Variants in QPRT observed in about 807,000 individuals in gnomAD.
The protein encoded by QPRT is nicotinate-nucleotide pyrophosphorylase [carboxylating].
A neutral mutation model predicts 19.8 loss-of-function variants in QPRT; 17 were observed. The observed-to-expected ratio is 0.86, with a 90% CI of 0.59 to 1.29. The LOEUF (loss-of-function observed/expected upper bound fraction) is 1.29. Among genes scored for constraint, QPRT ranks in the 50% most tolerant of loss-of-function variants. The probability of loss-of-function intolerance (pLI) is 0.00; values close to 1 mark genes in which losing one functional copy is unlikely to be tolerated. For synonymous variants in QPRT, 178 were observed against 191.0 expected, an observed-to-expected ratio of 0.93 and a Z score of 0.56; for missense variants, 336 against 405.1, an observed-to-expected ratio of 0.83 and a Z score of 1.46.
intron 1 of QPRT, among the ~76,000 whole-genome samples, chr16:29,691,816 G>C (rs1338408444): frequency 6.6e-6 from 1 of 152,174 alleles, no homozygotes; most frequent in Admixed American, 6.5e-5. Flanking sequence ...GCAGATGTGG[G>C]AGAGAATGTG....
chr16:29,696,892 T>G lies in QPRT; in HGVS notation c.550-104T>G, dbSNP rs1040167124. 4 of 1,342,972 alleles carry G rather than the reference T, an allele frequency of 3.0e-6. No homozygotes were observed. In the African/African-American group the frequency reaches 5.9e-5, roughly 20 times the overall value. The allele number at this position is 1,342,972 out of a possible 1,614,324, so 83.2% of individuals were successfully genotyped here. A position where few individuals can be genotyped will look rare whatever the true frequency, so the allele number is the denominator to read the frequency against. ...CAGTCCCGGCTCCCCGCGCCCCAGCTGCAGTGCTGGGCCCTATCGTCACCC... is the reference window on the plus strand; with the variant it reads ...CAGTCCCGGCTCCCCGCGCCCCAGCGGCAGTGCTGGGCCCTATCGTCACCC... On this transcript the variant is annotated intron_variant, in intron 2 of 3. Coordinates refer to ENST00000395384, the MANE Select transcript of QPRT (RefSeq NM_014298.6).
rs953333986 is a variant in QPRT at position 29,697,537 on chromosome 16, G to A, written c.*126G>A. ...TGGCACTAGCTTGAGCCCAACTCTG[G>A]CTCTGCCACCTGCTGCTCCTGTGAC... On this transcript the variant is annotated 3_prime_UTR_variant, in exon 4 of 4. Coordinates refer to ENST00000395384, the MANE Select transcript of QPRT (RefSeq NM_014298.6). The surrounding 1 kb of genome is among the most constrained non-coding windows in gnomAD (Gnocchi z 4.4). 1.0e-6 allele frequency: 1 copy of A among 984,938 alleles called. No homozygotes were observed. Among genetic ancestry groups the A allele is most frequent in the South Asian group, 1.7e-5 (1 of 59,570 alleles). 61.0% of individuals were successfully genotyped at this position (984,938 alleles called of 1,614,324 possible).
chr16:29,696,850 C>A, intron 2 of QPRT, 146 bp from the exon 3 acceptor site: 3 of 951,518 alleles, frequency 3.2e-6, no homozygotes, highest in East Asian at 2.8e-5. Flanking sequence ...ATGGTCCACC[C>A]GAAGCTTTTC....
chr16:29,688,416 G>GGAAGTCCA (rs953971218), intron 1 of QPRT, among the ~76,000 whole-genome samples: 1 of 152,114 alleles, frequency 6.6e-6, no homozygotes, highest in Non-Finnish European at 1.5e-5. Flanking sequence ...AGGTGAACAC[G>GGAAGTCCA]GAAGTCCAAG....
Position 29,697,477 on chromosome 16 carries a change from C to T in QPRT, c.*66C>T, listed in dbSNP as rs975721533. On this transcript the variant is annotated 3_prime_UTR_variant, in exon 4 of 4. Transcript: ENST00000395384. The surrounding 1 kb of genome is among the most constrained non-coding windows in gnomAD (Gnocchi z 4.4). ...TGGCTCCTCAGGACCCTCTGGGTCA[C>T]ACATCTTTAGGGTCAGTGGCCAATG... The T allele has an allele frequency of 3.6e-5, 54 of 1,500,388 alleles. No individual in the cohort carries two copies. Among genetic ancestry groups the T allele is most frequent in the East Asian group, 2.3e-4 (10 of 43,676 alleles). The allele number at this position is 1,500,388 out of a possible 1,614,324, so 92.9% of individuals were successfully genotyped here.
At chr16:29,692,510 GGC>G (rs1967377682) in intron 1 of QPRT, among the ~76,000 whole-genome samples, 1 of 151,762 alleles carries the variant, frequency 6.6e-6, no homozygotes, top group African/African-American at 2.4e-5. Context: ...GAACCCGGGA[GGC>G]GGAGCTTGCC....
At chr16:29,679,152 T>G, upstream of QPRT, 7 of 1,613,702 alleles carry the variant, frequency 4.3e-6, no homozygotes, top group Non-Finnish European at 5.1e-6. Flanking sequence ...CTGGGAGCCT[T>G]GGTCCTGAGC....
intron 1 of QPRT, 29 bp from the exon 2 acceptor site, chr16:29,694,635 A>C (rs1313750353): frequency 1.8e-5 from 27 of 1,510,120 alleles, no homozygotes; most frequent in Non-Finnish European, 2.4e-5. Flanking sequence ...AGGCAGCCAA[A>C]CTCAACAGCT....
intron 1 of QPRT, among the ~76,000 whole-genome samples, chr16:29,689,127 C>T (rs144183230): frequency 6.7e-6 from 1 of 148,412 alleles, no homozygotes; most frequent in Non-Finnish European, 1.5e-5. Flanking sequence ...CCGAATTGCA[C>T]TCTGTCACCC....
chr16:29,693,061 C>CAA (rs1193202536), intron 1 of QPRT, among the ~76,000 whole-genome samples: 88 of 104,106 alleles, frequency 8.5e-4, no homozygotes, highest in African/African-American at 3.0e-3. Context: ...GATTCTGTCT[C>CAA]AAAAAAAAAA....
At chr16:29,691,176 C>T (rs1352204913) in intron 1 of QPRT, among the ~76,000 whole-genome samples, 2 of 149,770 alleles carry the variant, frequency 1.3e-5, no homozygotes, top group Non-Finnish European at 3.0e-5. Context: ...AGCAGCCTGG[C>T]CAAAATGGCA....
intron 1 of QPRT, among the ~76,000 whole-genome samples, chr16:29,682,687 GT>G (rs1454188283): frequency 6.6e-6 from 1 of 151,892 alleles, no homozygotes; most frequent in African/African-American, 2.4e-5. Flanking sequence ...GCCTCATCAT[GT>G]TTTTTTCTTA....
At chr16:29,690,319 T>C (rs1374998231) in intron 1 of QPRT, among the ~76,000 whole-genome samples, 1 of 152,222 alleles carries the variant, frequency 6.6e-6, no homozygotes, top group Non-Finnish European at 1.5e-5. Context: ...CTATGGTGAA[T>C]AGTGCTGTGA....
At chr16:29,681,493 CTTTTTTTT>C (rs10680462) in intron 1 of QPRT, among the ~76,000 whole-genome samples, 4 of 97,130 alleles carry the variant, frequency 4.1e-5, no homozygotes, top group Admixed American at 1.4e-4. Context: ...GATCCAGATT[CTTTTTTTT>C]TTTTTTTTTT....
chr16:29,694,265 C>T (rs898712496), intron 1 of QPRT, among the ~76,000 whole-genome samples: 1 of 151,018 alleles, frequency 6.6e-6, no homozygotes, highest in Admixed American at 6.6e-5. Context: ...ACTACAGGCG[C>T]CCGCCACCAA....
intron 1 of QPRT, among the ~76,000 whole-genome samples, chr16:29,693,235 AT>A (rs1301465481): frequency 2.0e-5 from 3 of 151,638 alleles, no homozygotes; most frequent in East Asian, 1.9e-4. Flanking sequence ...CATTCTTTCT[AT>A]TTTTTTTGTA....
intron 1 of QPRT, among the ~76,000 whole-genome samples, chr16:29,679,756 AG>A (rs1389495956): frequency 6.6e-6 from 1 of 152,112 alleles, no homozygotes; most frequent in African/African-American, 2.4e-5. Flanking sequence ...AAGCAGCCCC[AG>A]GGGGCCAGTT....
rs555096933 is a variant in QPRT at position 29,695,171 on chromosome 16, A to T, written c.521A>T (p.His174Leu). Residue 174 changes from histidine to leucine, a missense_variant, in exon 2 of 4, where the codon CAT (histidine) becomes CTT (leucine). Coordinates refer to ENST00000395384, the MANE Select transcript of QPRT (RefSeq NM_014298.6). Reference protein sequence around the residue: ...LGGLVMVKDNHVVAAGGVEKA... With the variant: ...LGGLVMVKDNLVVAAGGVEKA... ...GGGCTGGTGATGGTGAAGGATAACC[A>T]TGTGGTGGCCGCCGGTGGCGTGGAG... 76 of 1,563,566 alleles carry T rather than the reference A, an allele frequency of 4.9e-5. No homozygotes were observed. The highest frequency in any genetic ancestry group is 4.0e-4 in the South Asian group (34 of 85,406).
At chr16:29,684,583 G>A (rs1446289211) in intron 1 of QPRT, among the ~76,000 whole-genome samples, 2 of 152,028 alleles carry the variant, frequency 1.3e-5, no homozygotes, top group Admixed American at 6.6e-5. Context: ...TCCTGACCTC[G>A]TGATCCTCCC....
Sources: gnomAD v4.1 joint callset for allele counts (sites outside exome capture counted in the v4.1 genomes callset) on GRCh38, gnomAD v4.1.1 for gene constraint, Gnocchi (gnomAD v3.1) non-coding constraint, MANE v1.5 for transcripts, NCBI Gene and HGNC (gene_info 2026-07-23, HGNC 2026-07-21) for gene names.